HIVEP1: variants seen among roughly 807,000 people sequenced by gnomAD.
HIVEP1 encodes HIVEP zinc finger 1.
A neutral mutation model predicts 180.0 loss-of-function variants in HIVEP1; 36 were observed. That is an observed-to-expected ratio of 0.20 (90% CI 0.15 to 0.26). The LOEUF is 0.26. HIVEP1 is among the 10% of genes least tolerant of loss of function. The probability of loss-of-function intolerance (pLI) is 1.00; values close to 1 mark genes in which losing one functional copy is unlikely to be tolerated. For synonymous variants in HIVEP1, 1,239 were observed against 1,239.0 expected (o/e 1.00, Z 0.00); for missense variants, 3,143 against 3,268.7 (o/e 0.96, Z 0.94).
the HIVEP1 span, among the ~76,000 whole-genome samples, chr6:12,209,989 C>T: frequency 6.6e-6 from 1 of 151,712 alleles, no homozygotes; most frequent in South Asian, 2.1e-4. Context: ...TAGTGGTGGG[C>T]GCTTGTAAGC....
chr6:12,165,029 C>T (rs895237738), downstream of HIVEP1: 1 of 439,388 alleles, frequency 2.3e-6, no homozygotes, highest in African/African-American at 2.1e-5. Context: ...TTCTTTATAT[C>T]ATCCAGTGAT....
In HIVEP1 at chr6:12,120,199, T is replaced by C. The variant is rs775492440; in HGVS notation, c.404T>C (p.Leu135Ser). The C allele has an allele frequency of 1.5e-4, 235 of 1,614,058 alleles. No homozygotes were observed. The highest frequency in any genetic ancestry group is 1.8e-4 in the Non-Finnish European group (217 of 1,180,032). The stretch of plus-strand genomic sequence containing the variant: ...GAATCTGTCTCCCCAAAGAAGCCCT[T>C]GTTTCTGCAGCAACCATCTGAACTG... ...SEESVSPKKP[L>S]FLQQPSELRR... Residue 135 changes from leucine to serine, a missense_variant, in exon 4 of 9, where the codon TTG becomes TCG. Physicochemically the swap from Leu to Ser is moderately radical, Grantham distance 145. Transcript: ENST00000379388.
chr6:12,034,949 A>G (rs749324856), intron 2 of HIVEP1, among the ~76,000 whole-genome samples: 2 of 152,304 alleles, frequency 1.3e-5, no homozygotes, highest in Admixed American at 6.5e-5. Context: ...TAATGCGGGT[A>G]AGCTTGGGGC....
chr6:12,057,704 T>C (rs1770968704), intron 2 of HIVEP1, among the ~76,000 whole-genome samples: 2 of 152,226 alleles, frequency 1.3e-5, no homozygotes, highest in Non-Finnish European at 2.9e-5. Context: ...TCTTCTGATA[T>C]GCTCAGGATT....
chr6:12,017,538 A>G (rs1561856382), intron 2 of HIVEP1, among the ~76,000 whole-genome samples: 1 of 152,184 alleles, frequency 6.6e-6, no homozygotes, highest in African/African-American at 2.4e-5. Context: ...AGCAGTTGCA[A>G]CTGCTGCCTC....
chr6:12,147,137 A>C (rs1413991508), intron 7 of HIVEP1, among the ~76,000 whole-genome samples: 1 of 152,162 alleles, frequency 6.6e-6, no homozygotes, highest in Non-Finnish European at 1.5e-5. Flanking sequence ...CAAGGCTGGG[A>C]AGCAGGCTGG....
At chr6:12,173,101 A>G in the HIVEP1 span, among the ~76,000 whole-genome samples, 3 of 152,192 alleles carry the variant, frequency 2.0e-5, no homozygotes, top group South Asian at 6.2e-4. Flanking sequence ...CAAGCATAAC[A>G]CATGTAAACT....
At chr6:12,011,317 G>A (rs2113538981), upstream of HIVEP1, among the ~76,000 whole-genome samples, 1 of 140,298 alleles carries the variant, frequency 7.1e-6, no homozygotes, top group Admixed American at 7.1e-5. Context: ...CCGGGCGAGG[G>A]GCGGGGCCGG....
At chr6:12,186,945 A>G in the HIVEP1 span, among the ~76,000 whole-genome samples, 1 of 152,160 alleles carries the variant, frequency 6.6e-6, no homozygotes. Flanking sequence ...TATAAATTAA[A>G]TACATGGAAA....
chr6:12,147,707 G>A (rs1759459077), intron 7 of HIVEP1, among the ~76,000 whole-genome samples: 1 of 152,152 alleles, frequency 6.6e-6, no homozygotes, highest in Admixed American at 6.5e-5. Context: ...AAGTACCTCA[G>A]GACTTCAGCC....
chr6:12,177,554 A>AATGT, the HIVEP1 span, among the ~76,000 whole-genome samples: 1 of 152,208 alleles, frequency 6.6e-6, no homozygotes, highest in African/African-American at 2.4e-5. Flanking sequence ...GTGTTTAGTA[A>AATGT]AGGACCTGTG....
intron 7 of HIVEP1, among the ~76,000 whole-genome samples, chr6:12,141,554 A>T (rs1472763224): frequency 6.6e-6 from 1 of 152,066 alleles, no homozygotes; most frequent in Non-Finnish European, 1.5e-5. Context: ...AAATGCCTCA[A>T]TTAAAAGACA....
chr6:12,100,364 AACCT>A (rs1333752286), intron 3 of HIVEP1, among the ~76,000 whole-genome samples: 1 of 152,220 alleles, frequency 6.6e-6, no homozygotes, highest in African/African-American at 2.4e-5. Context: ...GGATGATTTC[AACCT>A]ACCGAATGGT....
intron 2 of HIVEP1, among the ~76,000 whole-genome samples, chr6:12,017,357 G>A (rs1313184258): frequency 2.0e-5 from 3 of 152,176 alleles, no homozygotes; most frequent in African/African-American, 7.2e-5. Context: ...TGTGTTTGGA[G>A]TTTCTTTCTT....
intron 2 of HIVEP1, among the ~76,000 whole-genome samples, chr6:12,025,077 C>G (rs377069809): frequency 2.0e-5 from 3 of 152,156 alleles, no homozygotes; most frequent in Non-Finnish European, 2.9e-5. Flanking sequence ...TTTTATGATT[C>G]CCATTTTATA....
At chr6:12,181,920 G>A in the HIVEP1 span, among the ~76,000 whole-genome samples, 2 of 152,062 alleles carry the variant, frequency 1.3e-5, no homozygotes, top group Non-Finnish European at 2.9e-5. Flanking sequence ...AAATAAGAGA[G>A]GCTATTTTCT....
the HIVEP1 span, among the ~76,000 whole-genome samples, chr6:12,209,250 G>A: frequency 3.3e-5 from 5 of 152,062 alleles, no homozygotes; most frequent in Admixed American, 6.6e-5. Context: ...TGGCTAACAC[G>A]GTGAAACCCT....
intron 2 of HIVEP1, among the ~76,000 whole-genome samples, chr6:12,053,241 C>T (rs139542522): frequency 6.6e-6 from 1 of 151,318 alleles, no homozygotes; most frequent in East Asian, 1.9e-4. Flanking sequence ...GTGTGTGTGT[C>T]TGTGTGTGTG....
At position 12,120,580 on chromosome 6, in the gene HIVEP1, A is replaced by G. The variant is rs1228735151; in HGVS notation, c.785A>G (p.Tyr262Cys). ...VAESQSSCTS[Y>C]TVHMSAAQKN... The stretch of plus-strand genomic sequence containing the variant: ...GAATCACAGTCTTCTTGTACCTCAT[A>G]CACAGTCCATATGTCTGCTGCTCAG... Residue 262 changes from tyrosine to cysteine, a missense_variant, in exon 4 of 9, where the codon TAC becomes TGC. By Grantham distance (194) the Tyr-to-Cys change is radical (BLOSUM62 -2). This residue lies in a region of HIVEP1 where 306 missense variants were observed against 310.6 expected (regional missense o/e 0.99). Transcript: ENST00000379388. The G allele has an allele frequency of 6.2e-7, 1 of 1,614,170 alleles. No individual in the cohort carries two copies. The highest frequency in any genetic ancestry group is 1.7e-5 in the Admixed American group (1 of 60,028).
Sources: gnomAD v4.1 joint callset for allele counts (sites outside exome capture counted in the v4.1 genomes callset) on GRCh38, gnomAD v4.1.1 for gene constraint, gnomAD v4.1.1 regional missense constraint, MANE v1.5 for transcripts, NCBI Gene and HGNC (gene_info 2026-07-23, HGNC 2026-07-21) for gene names.